The following INTS8 variants were observed in gnomAD, a reference collection of about 807,000 sequenced individuals.
INTS8 encodes integrator complex subunit 8.
In INTS8, 47 loss-of-function variants were observed where a neutral mutation model predicts 138.9. That is an observed-to-expected ratio of 0.34 (90% confidence interval 0.27 to 0.43). The LOEUF (loss-of-function observed/expected upper bound fraction) is 0.43. Among genes scored for constraint, INTS8 ranks in the 20% least tolerant of loss-of-function variants. The pLI is 1.00. For missense variants in INTS8, 996 were observed against 1,173.0 expected, an observed-to-expected ratio of 0.85 and a Z score of 2.20; for synonymous variants, 392 against 400.9, an observed-to-expected ratio of 0.98 and a Z score of 0.27.
intron 10 of INTS8, among the ~76,000 whole-genome samples, chr8:94,842,994 G>C (rs1407022563): frequency 3.9e-5 from 6 of 152,078 alleles, no homozygotes; most frequent in Non-Finnish European, 8.8e-5. Flanking sequence ...AAAATACAAC[G>C]TTGCCAGCAC....
intron 2 of INTS8, 80 bp downstream of exon 2, chr8:94,825,147 T>C (rs1446846586): frequency 3.9e-6 from 4 of 1,033,066 alleles, no homozygotes; most frequent in Non-Finnish European, 4.3e-6. Flanking sequence ...TTTTATGATA[T>C]CGGCTCTTAA....
At chr8:94,835,542 T>C (rs1288486442) in intron 6 of INTS8, among the ~76,000 whole-genome samples, 2 of 152,174 alleles carry the variant, frequency 1.3e-5, no homozygotes, top group African/African-American at 4.8e-5. Context: ...CCCAGCGTTT[T>C]TTCCCTCTCC....
rs760513279 is a variant in INTS8 at position 94,867,354 on chromosome 8, C to G, written c.2414+17C>G. The G allele has an allele frequency of 1.4e-5, 22 of 1,580,398 alleles. No homozygotes were observed. In the East Asian group the frequency reaches 4.7e-4, roughly 34 times the overall value. ...CATTCCCAAGTAAGTAGTGGTATAGCTTTTATTTTATTAATTGAGTTATGT... is the reference window on the plus strand; with the variant it reads ...CATTCCCAAGTAAGTAGTGGTATAGGTTTTATTTTATTAATTGAGTTATGT... On this transcript the variant is annotated intron_variant, in intron 20 of 26. Coordinates refer to ENST00000523731, the MANE Select transcript of INTS8 (RefSeq NM_017864.4).
chr8:94,843,394 C>T (rs972267126), intron 10 of INTS8, among the ~76,000 whole-genome samples: 1 of 152,060 alleles, frequency 6.6e-6, no homozygotes, highest in African/African-American at 2.4e-5. Context: ...AGTGAAACTC[C>T]GTCTCTACTA....
At chr8:94,861,057 A>T in intron 16 of INTS8, among the ~76,000 whole-genome samples, 1 of 104,678 alleles carries the variant, frequency 9.6e-6, no homozygotes, top group Admixed American at 9.2e-5. Flanking sequence ...ACTCTGTCTC[A>T]AAAAAAAAAA....
chr8:94,861,383 T>C (rs193044698), intron 16 of INTS8, among the ~76,000 whole-genome samples: 5,015 of 135,888 alleles, frequency 0.037, 88 homozygotes, highest in Non-Finnish European at 0.042. Flanking sequence ...TGCCTCAGCC[T>C]CCCGAGTAGC....
chr8:94,836,522 AG>A lies in INTS8; in HGVS notation c.754del. 1 of 1,609,944 alleles carries A rather than the reference AG, an allele frequency of 6.2e-7. No individual in the cohort carries two copies. Among genetic ancestry groups the A allele is most frequent in the Non-Finnish European group, 8.5e-7 (1 of 1,177,044 alleles). On this transcript the variant is annotated splice_acceptor_variant, in intron 6 of 26. Coordinates refer to ENST00000523731, the MANE Select transcript of INTS8 (RefSeq NM_017864.4). LOFTEE classifies it high-confidence loss of function. ...GCAAATTGGTGTTCATTATTATTTCAGGTGTGCTATGATTTGGGCGCAGCAT... is the reference window on the plus strand; with the variant it reads ...GCAAATTGGTGTTCATTATTATTTCAGTGTGCTATGATTTGGGCGCAGCAT...
intron 23 of INTS8, among the ~76,000 whole-genome samples, chr8:94,875,435 C>T (rs1816534707): frequency 2.0e-5 from 3 of 151,976 alleles, no homozygotes; most frequent in African/African-American, 7.2e-5. Context: ...TGTATGGAGA[C>T]AAAGTAAATT....
intron 22 of INTS8, among the ~76,000 whole-genome samples, chr8:94,874,262 A>G (rs1434871527): frequency 6.7e-6 from 1 of 149,878 alleles, no homozygotes; most frequent in Non-Finnish European, 1.5e-5. Context: ...TTTTTTTGAT[A>G]TGCATTGCCA....
chr8:94,850,964 T>C (rs1294947603), intron 12 of INTS8, among the ~76,000 whole-genome samples: 1 of 152,222 alleles, frequency 6.6e-6, no homozygotes, highest in South Asian at 2.1e-4. Context: ...ACTTTTAGCT[T>C]CTTTGACCTT....
At chr8:94,878,780 G>A (rs1355994879) in intron 26 of INTS8, among the ~76,000 whole-genome samples, 2 of 152,134 alleles carry the variant, frequency 1.3e-5, no homozygotes, top group Non-Finnish European at 1.5e-5. Flanking sequence ...GCCACCAAAT[G>A]CCAGATCCAG....
intron 16 of INTS8, among the ~76,000 whole-genome samples, chr8:94,862,294 A>T (rs546327583): frequency 6.6e-6 from 1 of 152,136 alleles, no homozygotes; most frequent in Admixed American, 6.5e-5. Context: ...TTCTTAATAT[A>T]TTGGGCACTT....
intron 10 of INTS8, among the ~76,000 whole-genome samples, chr8:94,843,789 C>T (rs557473339): frequency 1.3e-5 from 2 of 152,208 alleles, no homozygotes; most frequent in East Asian, 1.9e-4. Context: ...ATATCTGCAA[C>T]ATTAATTTTT....
chr8:94,870,227 AT>A (rs1816348416), intron 20 of INTS8, among the ~76,000 whole-genome samples: 1 of 151,666 alleles, frequency 6.6e-6, no homozygotes, highest in South Asian at 2.1e-4. Flanking sequence ...AATTTTTTGT[AT>A]TTTTAGTAGA....
chr8:94,872,019 G>A lies in INTS8; in HGVS notation c.2533+17G>A. ...TTTACTTTGGTAAGTGAGATGTTTA[G>A]TTGCTTTGTGTTTTGTTTTTATAGC... On this transcript the variant is annotated intron_variant, in intron 21 of 26. Coordinates refer to ENST00000523731, the MANE Select transcript of INTS8 (RefSeq NM_017864.4). 1 of 1,199,536 alleles carries A rather than the reference G, an allele frequency of 8.3e-7. No individual in the cohort carries two copies. Among genetic ancestry groups the A allele is most frequent in the Middle Eastern group, 1.9e-4 (1 of 5,170 alleles). The allele number at this position is 1,199,536 out of a possible 1,614,324, so 74.3% of individuals were successfully genotyped here.
intron 20 of INTS8, among the ~76,000 whole-genome samples, chr8:94,869,776 C>T (rs919701454): frequency 6.6e-6 from 1 of 152,186 alleles, no homozygotes; most frequent in Non-Finnish European, 1.5e-5. Flanking sequence ...CAGGCATGAG[C>T]CACTGCGCCC....
chr8:94,838,351 G>C (rs374253595), intron 7 of INTS8, 112 bp from the exon 8 acceptor site: 2 of 867,056 alleles, frequency 2.3e-6, no homozygotes, highest in Admixed American at 2.3e-5. Flanking sequence ...TGCCCAGCCC[G>C]GCTTGAATTT....
intron 14 of INTS8, 74 bp from the exon 15 acceptor site, chr8:94,856,703 T>C (rs779267986): frequency 1.1e-4 from 127 of 1,192,948 alleles, no homozygotes; most frequent in Non-Finnish European, 1.5e-4. Flanking sequence ...TCCTCTTTGC[T>C]CTGTCAACAT....
At chr8:94,875,835 T>C in intron 23 of INTS8, 1 of 431,756 alleles carries the variant, frequency 2.3e-6, no homozygotes. Context: ...CTGAACTGGC[T>C]TTTTGCCAGC....
Sources: allele counts gnomAD v4.1 joint callset (sites outside exome capture counted in the v4.1 genomes callset), GRCh38; gene constraint gnomAD v4.1.1; transcripts MANE v1.5; gene names NCBI Gene and HGNC (gene_info 2026-07-23, HGNC 2026-07-21).